Variants in FKBP3 observed in about 807,000 individuals in gnomAD.
FKBP3 encodes the protein FKBP prolyl isomerase 3.
Under a neutral mutation model 30.6 loss-of-function variants are expected in FKBP3, and 21 were observed. The observed-to-expected ratio is 0.69, with a 90% CI of 0.49 to 0.99. The LOEUF is 0.99. FKBP3 is among the 50% of genes least tolerant of loss of function. The pLI is 0.00. For missense variants in FKBP3, 283 were observed against 261.6 expected (o/e 1.08, Z -0.56); for synonymous variants, 82 against 91.3 (o/e 0.90, Z 0.58).
chr14:45,129,986 G>A, intron 2 of FKBP3, 85 bp from the exon 3 acceptor site: 1 of 691,824 alleles, frequency 1.4e-6, no homozygotes, highest in Admixed American at 2.8e-5. Flanking sequence ...TCAATTAAAT[G>A]AACATCTGCA....
At chr14:45,118,772 A>C (rs1884915095) in intron 5 of FKBP3, among the ~76,000 whole-genome samples, 1 of 152,254 alleles carries the variant, frequency 6.6e-6, no homozygotes, top group Non-Finnish European at 1.5e-5. Context: ...TTTTATTGGA[A>C]TACACTGGCA....
chr14:45,122,208 T>C (rs1339583914), intron 3 of FKBP3, among the ~76,000 whole-genome samples: 1 of 152,062 alleles, frequency 6.6e-6, no homozygotes, highest in Non-Finnish European at 1.5e-5. Context: ...TACATATTAA[T>C]CTAATCAATA....
chr14:45,128,510 A>G (rs1885148178), intron 3 of FKBP3, among the ~76,000 whole-genome samples: 1 of 152,210 alleles, frequency 6.6e-6, no homozygotes, highest in Non-Finnish European at 1.5e-5. Flanking sequence ...TTAAGCATGA[A>G]TTTATACCAG....
intron 3 of FKBP3, among the ~76,000 whole-genome samples, chr14:45,126,788 A>G (rs919601053): frequency 3.9e-5 from 6 of 152,092 alleles, no homozygotes; most frequent in African/African-American, 1.4e-4. Flanking sequence ...GTTTGAGTCC[A>G]GCCTGGGCAA....
At chr14:45,130,877 T>C (rs1885198527) in intron 1 of FKBP3, 77 bp from the exon 2 acceptor site, 1 of 771,452 alleles carries the variant, frequency 1.3e-6, no homozygotes, top group African/African-American at 1.8e-5. Context: ...ACGATCCTTT[T>C]ATGTTAGCAG....
rs1884985886 is a variant in FKBP3, at chr14:45,121,585, CT to C, written c.353del (p.Lys118ArgfsTer45). 1 of 1,613,646 alleles carries C rather than the reference CT, an allele frequency of 6.2e-7. No homozygotes were observed. The highest frequency in any genetic ancestry group is 8.5e-7 in the Non-Finnish European group (1 of 1,179,782). On this transcript the variant is annotated frameshift_variant, in exon 4 of 7. Transcript: ENST00000396062. LOFTEE classifies it high-confidence loss of function. ...PPKYTKSVLK[K>X]GDKTNFPKKG... ...TTTTGGGAAAGTTGGTTTTATCTCC[CT>C]TTTTCAGAACAGATTTAGTATATTT...
At chr14:45,126,766 T>C (rs911813221) in intron 3 of FKBP3, among the ~76,000 whole-genome samples, 1 of 152,110 alleles carries the variant, frequency 6.6e-6, no homozygotes, top group African/African-American at 2.4e-5. Context: ...GGAGGATCAC[T>C]GGAGCCCACG....
chr14:45,124,632 G>A (rs1402049565), intron 3 of FKBP3, among the ~76,000 whole-genome samples: 1 of 151,800 alleles, frequency 6.6e-6, no homozygotes. Context: ...AAAATACTGA[G>A]ATATTTTACA....
At chr14:45,116,917 T>C (rs1243551487) in intron 6 of FKBP3, among the ~76,000 whole-genome samples, 1 of 152,064 alleles carries the variant, frequency 6.6e-6, no homozygotes, top group Admixed American at 6.5e-5. Flanking sequence ...GTGCATCAGA[T>C]TGGTCTTGAG....
At chr14:45,123,629 T>C (rs1885034807) in intron 3 of FKBP3, among the ~76,000 whole-genome samples, 2 of 141,504 alleles carry the variant, frequency 1.4e-5, no homozygotes, top group South Asian at 4.8e-4. Flanking sequence ...TTTTTTTTTT[T>C]TTTCAGATGG....
intron 4 of FKBP3, 96 bp downstream of exon 4, chr14:45,121,389 A>G (rs978361075): frequency 2.1e-6 from 2 of 960,176 alleles, no homozygotes; most frequent in Non-Finnish European, 3.1e-6. Flanking sequence ...AGTAGGTGAC[A>G]GTCAGGAAAA....
At chr14:45,130,828 G>T (rs745306691) in intron 1 of FKBP3, 28 bp from the exon 2 acceptor site, 1 of 1,361,880 alleles carries the variant, frequency 7.3e-7, no homozygotes, top group South Asian at 1.2e-5. Context: ...GGGTAATCAA[G>T]ATAACTTCTC....
chr14:45,133,326 G>A (rs1885266621), intron 1 of FKBP3: 1 of 305,170 alleles, frequency 3.3e-6, no homozygotes, highest in African/African-American at 2.3e-5. Context: ...AATTAACCTG[G>A]CGTGGTGGCA....
At chr14:45,121,404 A>G (rs8020150) in intron 4 of FKBP3, 81 bp downstream of exon 4, 1 of 1,141,704 alleles carries the variant, frequency 8.8e-7, no homozygotes, top group Non-Finnish European at 1.3e-6. Flanking sequence ...GGAAAAAGGT[A>G]CTGCTAACTA....
chr14:45,119,402 C>T (rs781283511), intron 5 of FKBP3, among the ~76,000 whole-genome samples: 12 of 151,958 alleles, frequency 7.9e-5, no homozygotes, highest in Non-Finnish European at 1.5e-4. Context: ...GATGAAACCC[C>T]ATCTCTACTA....
At chr14:45,132,856 A>G (rs1237700720) in intron 1 of FKBP3, among the ~76,000 whole-genome samples, 1 of 152,208 alleles carries the variant, frequency 6.6e-6, no homozygotes, top group Non-Finnish European at 1.5e-5. Flanking sequence ...TTTCATAAGA[A>G]TATGATGGAT....
chr14:45,131,628 CAAAAAAAAAA>C (rs536298530), intron 1 of FKBP3, among the ~76,000 whole-genome samples: 1 of 39,496 alleles, frequency 2.5e-5, no homozygotes, highest in Non-Finnish European at 5.7e-5. Context: ...GACTCTGTCT[CAAAAAAAAAA>C]AAAAAAAAAA....
intron 3 of FKBP3, among the ~76,000 whole-genome samples, chr14:45,122,676 T>C (rs964618391): frequency 5.3e-5 from 8 of 151,952 alleles, no homozygotes; most frequent in Non-Finnish European, 1.0e-4. Flanking sequence ...GCTCATTTTT[T>C]GGATTTTTAG....
chr14:45,116,171 T>C lies in FKBP3; in HGVS notation c.*27A>G. On this transcript the variant is annotated 3_prime_UTR_variant, in exon 7 of 7. Transcript: ENST00000396062. ...GGCCAAGTTTTATCATTGTTGCTAA[T>C]ATCCTTAGAGCTGAAGCACTGCTAT... 1 of 1,549,090 alleles carries C rather than the reference T, an allele frequency of 6.5e-7. No individual in the cohort carries two copies. Among genetic ancestry groups the C allele is most frequent in the Non-Finnish European group, 8.9e-7 (1 of 1,122,724 alleles).
Sources: gnomAD v4.1 joint callset for allele counts (sites outside exome capture counted in the v4.1 genomes callset) on GRCh38, gnomAD v4.1.1 for gene constraint, MANE v1.5 for transcripts, NCBI Gene and HGNC (gene_info 2026-07-23, HGNC 2026-07-21) for gene names.